KMT2D: variants seen among roughly 807,000 people sequenced by gnomAD.
KMT2D encodes histone-lysine N-methyltransferase 2D.
In KMT2D, 55 loss-of-function variants were observed where a neutral mutation model predicts 512.7. The observed-to-expected ratio is 0.11, with a 90% CI of 0.09 to 0.13. The LOEUF (loss-of-function observed/expected upper bound fraction) is 0.13, where lower values mean the gene tolerates loss of function less well. KMT2D is among the 10% of genes least tolerant of loss of function. The pLI is 1.00. For synonymous variants in KMT2D, 2,995 were observed against 2,904.0 expected (o/e 1.03, Z -1.01); for missense variants, 6,061 against 7,127.9 (o/e 0.85, Z 5.39).
In KMT2D at chr12:49,049,662, G is replaced by A. The variant is rs375504464; in HGVS notation, c.3906+20C>T. The A allele has an allele frequency of 5.7e-5, 88 of 1,549,318 alleles. No individual in the cohort carries two copies. The African/African-American group carries it at 8.4e-4, about 15-fold the overall frequency. On this transcript the variant is annotated intron_variant, in intron 12 of 54. Coordinates refer to ENST00000301067, the MANE Select transcript of KMT2D (RefSeq NM_003482.4). ...AGTGGGCTAACTCTAATCACATCCC[G>A]CAGCTAGATAGCCCCTCACCTGTTT...
At chr12:49,043,329 C>T (rs2120566798) in intron 25 of KMT2D, 34 bp downstream of exon 25, 1 of 1,610,126 alleles carries the variant, frequency 6.2e-7, no homozygotes, top group Non-Finnish European at 8.5e-7. Flanking sequence ...CAAGCAAGGC[C>T]AAGACAGGAC....
chr12:49,044,302 T>C lies in KMT2D; in HGVS notation c.5086A>G (p.Ile1696Val), dbSNP rs2120581098. 3 of 1,613,858 alleles carry C rather than the reference T, an allele frequency of 1.9e-6. No individual in the cohort carries two copies. The highest frequency in any genetic ancestry group is 2.5e-6 in the Non-Finnish European group (3 of 1,179,858). Residue 1696 changes from isoleucine to valine, a missense_variant and splice_region_variant, in exon 22 of 55, where the codon ATT becomes GTT. Transcript: ENST00000301067. This position sits in a 1 kb window ranked among gnomAD's most constrained non-coding sequence, Gnocchi z 6.4. ...CGCTGTCGCACCATGAAACCACCAATGCCTATGAGGAGGCAGAGTTGTGGA... is the reference window on the plus strand; with the variant it reads ...CGCTGTCGCACCATGAAACCACCAACGCCTATGAGGAGGCAGAGTTGTGGA... ...KRKRKPYRPG[I>V]GGFMVRQRKS...
intron 1 of KMT2D, among the ~76,000 whole-genome samples, chr12:49,055,856 G>A (rs1383979174): frequency 2.0e-5 from 3 of 152,184 alleles, no homozygotes; most frequent in South Asian, 4.1e-4. Flanking sequence ...CTGAGGCACT[G>A]CAAGAGATGT....
intron 46 of KMT2D, 96 bp downstream of exon 46, chr12:49,028,732 G>A (rs372993075): frequency 3.3e-6 from 5 of 1,499,158 alleles, no homozygotes; most frequent in South Asian, 2.5e-5. Flanking sequence ...CTCAGTACAT[G>A]TGCTTGAACG....
intron 14 of KMT2D, 96 bp from the exon 15 acceptor site, chr12:49,048,165 G>C: frequency 1.2e-6 from 1 of 805,014 alleles, no homozygotes. Context: ...TTTGCGACCA[G>C]AGTCAGGAAC....
chr12:49,045,109 C>G (rs1047889566), intron 19 of KMT2D, 144 bp from the exon 20 acceptor site: 39 of 719,800 alleles, frequency 5.4e-5, no homozygotes, highest in Non-Finnish European at 8.2e-5. Context: ...GAACAGGCCA[C>G]CAAGGGGCAC....
chr12:49,026,032 G>T lies in KMT2D; in HGVS notation c.15784+150C>A. ...AGAGAGGCTCAAACACTTTCACTGG[G>T]AGTTTTCAAGAGACCCCCTGCCTGC... is the stretch of plus-strand genomic sequence containing the variant. On this transcript the variant is annotated intron_variant, in intron 49 of 54. Coordinates refer to ENST00000301067, the MANE Select transcript of KMT2D (RefSeq NM_003482.4). The surrounding 1 kb of genome is among the most constrained non-coding windows in gnomAD (Gnocchi z 9.6). 1.5e-6 allele frequency: 1 copy of T among 671,698 alleles called. No individual in the cohort carries two copies. The allele number at this position is 671,698 out of a possible 1,614,324, so 41.6% of individuals were successfully genotyped here. A position where few individuals can be genotyped will look rare whatever the true frequency, so the allele number is the denominator to read the frequency against.
chr12:49,049,278 A>G (rs753487532), intron 12 of KMT2D, 60 bp from the exon 13 acceptor site: 8 of 1,042,554 alleles, frequency 7.7e-6, no homozygotes, highest in Non-Finnish European at 1.1e-5. Context: ...TTGGGTTTAC[A>G]CACTTGAACA....
chr12:49,040,147 T>C lies in KMT2D; in HGVS notation c.7623A>G (p.Ala2541=), dbSNP rs1386520196. 1 of 1,613,750 alleles carries C rather than the reference T, an allele frequency of 6.2e-7. No individual in the cohort carries two copies. The highest frequency in any genetic ancestry group is 8.5e-7 in the Non-Finnish European group (1 of 1,179,838). ...PSPMRFTFPQ[A]VGEPSLKPPV... ...GGGGCTTTAGGGAAGGCTCCCCTAC[T>C]GCCTGAGGGAAAGTGAAACGCATGG... The change falls in exon 32 of 55, where the codon GCA becomes GCG. Residue 2541 remains alanine (A), a synonymous_variant. Transcript: ENST00000301067.
At position 49,032,420 on chromosome 12, in the gene KMT2D, C is replaced by T. The variant is rs745381568; in HGVS notation, c.12285G>A (p.Leu4095=). 23 of 1,587,114 alleles carry T rather than the reference C, an allele frequency of 1.4e-5. 1 individual carries two copies. The South Asian group carries it at 2.0e-4, about 14-fold the overall frequency. ...GCTGCTGCTGTTGTCCTGGAAGCCTCAGAGGTGGCTGCAGCTGCAGAGAGC... is the reference window on the plus strand; with the variant it reads ...GCTGCTGCTGTTGTCCTGGAAGCCTTAGAGGTGGCTGCAGCTGCAGAGAGC... ...QPSSLQLQPP[L]RLPGQQQQQV... is the part of the protein sequence containing the mutation. The change falls in exon 40 of 55, where the codon CTG becomes CTA. Residue 4095 remains leucine, a synonymous_variant. Coordinates refer to ENST00000301067, the MANE Select transcript of KMT2D (RefSeq NM_003482.4).
Position 49,054,998 on chromosome 12 carries a change from T to C in KMT2D, c.78A>G (p.Pro26=). The C allele has an allele frequency of 6.2e-7, 1 of 1,614,000 alleles. No homozygotes were observed. Among genetic ancestry groups the C allele is most frequent in the Non-Finnish European group, 8.5e-7 (1 of 1,179,884 alleles). The change falls in exon 3 of 55, where the codon CCA becomes CCG. Residue 26 remains proline, a synonymous_variant. Transcript: ENST00000301067. This position sits in a 1 kb window ranked among gnomAD's most constrained non-coding sequence, Gnocchi z 6.4. ...AADGPAASED[P]SATESDLPNP... ...TGGGCAGGTCTGACTCAGTGGCACT[T>C]GGGTCCTCAGAAGCTGCAGGTCCAT...
At position 49,031,256 on chromosome 12, in the gene KMT2D, C is replaced by T. The variant is rs376096667; in HGVS notation, c.13449G>A (p.Leu4483=). 1 of 1,613,232 alleles carries T rather than the reference C, an allele frequency of 6.2e-7. No individual in the cohort carries two copies. Among genetic ancestry groups the T allele is most frequent in the Non-Finnish European group, 8.5e-7 (1 of 1,179,764 alleles). Residue 4483 remains leucine (L), a synonymous_variant, in exon 40 of 55, where the codon CTG becomes CTA. Transcript: ENST00000301067. ...QLSTGRGSEG[L]RAEINGHIDS... is the part of the protein sequence containing the mutation. ...CAATGTGCCCGTTGATCTCAGCTCG[C>T]AGCCCCTCGGACCCCCGCCCAGTGC...
At chr12:49,043,008 A>C in intron 26 of KMT2D, 68 bp downstream of exon 26, 1 of 1,560,732 alleles carries the variant, frequency 6.4e-7, no homozygotes, top group Admixed American at 1.7e-5. Context: ...CACAGTCCCA[A>C]AGATAGGACC....
Position 49,052,030 on chromosome 12 carries a change from T to C in KMT2D, c.1653A>G (p.Glu551=), listed in dbSNP as rs1311075312. 6.2e-7 allele frequency: 1 copy of C among 1,607,790 alleles called. No individual in the cohort carries two copies. Among genetic ancestry groups the C allele is most frequent in the African/African-American group, 1.4e-5 (1 of 72,760 alleles). ...EASPLSPPFE[E]SPLSPPPEEL... ...CCTCAGGTGGCGGGGACAAAGGAGA[T>C]TCTTCAAATGGTGGGGACAGGGGCG... Residue 551 remains glutamate (E), a synonymous_variant, in exon 11 of 55, where the codon GAA becomes GAG. Transcript: ENST00000301067.
intron 25 of KMT2D, 41 bp downstream of exon 25, chr12:49,043,322 G>GC (rs768315785): frequency 3.1e-6 from 5 of 1,604,048 alleles, no homozygotes; most frequent in African/African-American, 1.3e-5. Context: ...ACAGAGGCAA[G>GC]CAAGGCCAAG....
intron 44 of KMT2D, 26 bp from the exon 45 acceptor site, chr12:49,029,262 T>C: frequency 1.2e-6 from 2 of 1,607,432 alleles, no homozygotes; most frequent in Non-Finnish European, 1.7e-6. Context: ...AGACATTTGT[T>C]GCTACAGCCC....
intron 1 of KMT2D, among the ~76,000 whole-genome samples, chr12:49,056,235 T>TAGCAC (rs1330370779): frequency 2.6e-5 from 4 of 152,188 alleles, no homozygotes; most frequent in Non-Finnish European, 4.4e-5. Flanking sequence ...GGGCAGGACA[T>TAGCAC]AGCACAGCAC....
chr12:49,043,833 G>C (rs2120573903), intron 23 of KMT2D, 35 bp downstream of exon 23: 2 of 1,613,996 alleles, frequency 1.2e-6, no homozygotes, highest in Non-Finnish European at 1.7e-6. Context: ...GCAGGGCACA[G>C]ACACCTCCCT....
chr12:49,044,952 A>G lies in KMT2D; in HGVS notation c.4755T>C (p.Phe1585=). 1 of 1,613,882 alleles carries G rather than the reference A, an allele frequency of 6.2e-7. No homozygotes were observed. Among genetic ancestry groups the G allele is most frequent in the Non-Finnish European group, 8.5e-7 (1 of 1,179,740 alleles). Residue 1585 remains phenylalanine, a synonymous_variant, in exon 20 of 55, where the codon TTT becomes TTC. Coordinates refer to ENST00000301067, the MANE Select transcript of KMT2D (RefSeq NM_003482.4). The surrounding 1 kb of genome is among the most constrained non-coding windows in gnomAD (Gnocchi z 6.4). ...CTGTCAGCCACACACCTTCGAAGCGAAAGTACTGGGGCTCTGCATAAGAGG... is the reference window on the plus strand; with the variant it reads ...CTGTCAGCCACACACCTTCGAAGCGGAAGTACTGGGGCTCTGCATAAGAGG... ...MKVKEPEPQY[F]RFEGVWLTET...
Sources: allele counts gnomAD v4.1 joint callset (sites outside exome capture counted in the v4.1 genomes callset), GRCh38; gene constraint gnomAD v4.1.1; non-coding constraint Gnocchi (gnomAD v3.1); transcripts MANE v1.5; gene names NCBI Gene and HGNC (gene_info 2026-07-23, HGNC 2026-07-21).